The following KRT86 variants were observed in gnomAD, a reference collection of about 807,000 sequenced individuals.
The protein encoded by KRT86 is keratin 86.
KRT86 carries 30 observed loss-of-function variants against 41.2 expected under a neutral mutation model. The observed-to-expected ratio is 0.73, with a 90% CI of 0.54 to 0.99. The LOEUF is 0.99. Among genes scored for constraint, KRT86 ranks in the 50% least tolerant of loss-of-function variants. The pLI, the probability that KRT86 is intolerant of heterozygous loss-of-function variation, is 0.00. For synonymous variants in KRT86, 238 were observed against 238.1 expected (o/e 1.00, Z 0.00); for missense variants, 561 against 571.4 (o/e 0.98, Z 0.19).
intron 2 of KRT86, among the ~76,000 whole-genome samples, chr12:52,278,532 G>A (rs1313890957): frequency 6.7e-6 from 1 of 150,276 alleles, no homozygotes; most frequent in East Asian, 2.0e-4. Context: ...ATCAGAGAGC[G>A]CCAGGGAGCT....
chr12:52,303,318 G>A lies in KRT86; in HGVS notation c.578+10G>A. On this transcript the variant is annotated intron_variant, in intron 4 of 10. Transcript: ENST00000423955. ...AGGGCTACAAGAAGAAGTGAGTGCG[G>A]GCAAGAGGGATGCTGGGCACAGGAA... The A allele has an allele frequency of 2.8e-6, 1 of 356,558 alleles. No homozygotes were observed. The highest frequency in any genetic ancestry group is 6.5e-5 in the African/African-American group (1 of 15,476). The allele number at this position is 356,558 out of a possible 1,614,324, so 22.1% of individuals were successfully genotyped here. A position where few individuals can be genotyped will look rare whatever the true frequency, so the allele number is the denominator to read the frequency against.
At chr12:52,298,220 G>T (rs1403864376) in intron 2 of KRT86, among the ~76,000 whole-genome samples, 1 of 152,182 alleles carries the variant, frequency 6.6e-6, no homozygotes. Context: ...GAGATTGAAG[G>T]AGGGGCATGT....
intron 2 of KRT86, among the ~76,000 whole-genome samples, chr12:52,296,237 TAGTC>T (rs1204787972): frequency 3.3e-5 from 5 of 151,800 alleles, no homozygotes; most frequent in South Asian, 2.1e-4. Context: ...TCTTAGGAGA[TAGTC>T]AGGAAGAGGA....
At chr12:52,294,131 G>T (rs1431834551) in intron 2 of KRT86, among the ~76,000 whole-genome samples, 4 of 152,158 alleles carry the variant, frequency 2.6e-5, no homozygotes, top group African/African-American at 9.7e-5. Context: ...CACTTCTGAA[G>T]CTCTTTGTAC....
At chr12:52,292,676 A>C (rs973905806) in intron 2 of KRT86, among the ~76,000 whole-genome samples, 2 of 143,758 alleles carry the variant, frequency 1.4e-5, no homozygotes, top group African/African-American at 5.2e-5. Flanking sequence ...ATTTATTTTT[A>C]TTTTATTTAT....
At chr12:52,276,005 A>C in intron 2 of KRT86, 59 bp downstream of exon 2, 1 of 985,818 alleles carries the variant, frequency 1.0e-6, no homozygotes, top group Non-Finnish European at 1.2e-6. Flanking sequence ...ACCATTATTT[A>C]TGACAACTGC....
At chr12:52,296,160 T>C (rs945164609) in intron 2 of KRT86, among the ~76,000 whole-genome samples, 1 of 152,146 alleles carries the variant, frequency 6.6e-6, no homozygotes, top group Non-Finnish European at 1.5e-5. Context: ...TAGACTATTA[T>C]TCTCAGGGTG....
At chr12:52,307,389 A>G (rs1485292826) in intron 9 of KRT86, among the ~76,000 whole-genome samples, 4 of 152,230 alleles carry the variant, frequency 2.6e-5, no homozygotes, top group African/African-American at 9.6e-5. Context: ...GAGTGAACTC[A>G]GGAGCTTTGG....
chr12:52,283,409 A>AAT (rs1555185798), intron 2 of KRT86, among the ~76,000 whole-genome samples: 4,568 of 145,076 alleles, frequency 0.031, 168 homozygotes, highest in African/African-American at 0.057. Context: ...AAAAAAAAAA[A>AAT]AAAAAAAGAA....
In KRT86 at chr12:52,286,372, C is replaced by G. The variant is rs565511472; in HGVS notation, c.-5+10426C>G. On this transcript the variant is annotated intron_variant, in intron 2 of 10. Transcript: ENST00000423955. ...TGTTCAATTGGCCGCAGGGCGCACA[C>G]AGGCCGGTGCTCACCGCCACGTTCC... is the stretch of plus-strand genomic sequence containing the variant. The G allele has an allele frequency of 1.2e-5, 19 of 1,555,354 alleles. No individual in the cohort carries two copies. In the South Asian group the frequency reaches 1.5e-4, roughly 13 times the overall value.
At chr12:52,291,423 T>C in intron 2 of KRT86, 1 of 1,612,312 alleles carries the variant, frequency 6.2e-7, no homozygotes, top group Non-Finnish European at 8.5e-7. Context: ...CAGGCCGAGA[T>C]GCAGCTGAAG....
At chr12:52,299,063 C>A (rs1026112499) in intron 2 of KRT86, among the ~76,000 whole-genome samples, 1 of 152,182 alleles carries the variant, frequency 6.6e-6, no homozygotes, top group Non-Finnish European at 1.5e-5. Context: ...TGTTATCTAA[C>A]TGTATTTTTG....
chr12:52,299,192 C>T (rs1369256080), intron 2 of KRT86, among the ~76,000 whole-genome samples: 1 of 152,182 alleles, frequency 6.6e-6, no homozygotes, highest in African/African-American at 2.4e-5. Flanking sequence ...TGTGTAAGAA[C>T]ATCTGAAATT....
intron 2 of KRT86, among the ~76,000 whole-genome samples, chr12:52,288,730 C>A (rs1303483921): frequency 2.0e-5 from 3 of 152,060 alleles, no homozygotes; most frequent in Non-Finnish European, 4.4e-5. Context: ...AGGAAGCCTG[C>A]CCAGACTGAC....
chr12:52,308,521 C>T lies in KRT86; in HGVS notation c.1397C>T (p.Thr466Ile). 1 of 1,604,588 alleles carries T rather than the reference C, an allele frequency of 6.2e-7. No individual in the cohort carries two copies. The highest frequency in any genetic ancestry group is 8.5e-7 in the Non-Finnish European group (1 of 1,179,858). ...VPSNSNVVVG[T>I]TNACAPSARV... ...AGCAACAGCAACGTGGTGGTGGGCA[C>T]TACTAACGCCTGCGCCCCCTCCGCC... The change falls in exon 11 of 11, where the codon ACT (threonine) becomes ATT (isoleucine). Residue 466 changes from threonine (T) to isoleucine (I), a missense_variant. Around this residue, in one of 3 missense-constraint regions of KRT86, gnomAD observed 397 missense variants for 375.9 expected, o/e 1.06. Transcript: ENST00000423955.
At chr12:52,287,847 C>T in intron 2 of KRT86, 1 of 1,600,984 alleles carries the variant, frequency 6.2e-7, no homozygotes, top group Middle Eastern at 1.7e-4. Context: ...TCCTGCCCTG[C>T]CACCCCAACC....
At chr12:52,287,017 C>A (rs1592422552) in intron 2 of KRT86, 2 of 1,607,812 alleles carry the variant, frequency 1.2e-6, no homozygotes, top group East Asian at 4.5e-5. Flanking sequence ...CCCCAGAGCC[C>A]TGGCCATTGC....
chr12:52,308,517 G>A lies in KRT86; in HGVS notation c.1393G>A (p.Gly465Ser). The change falls in exon 11 of 11, where the codon GGC (glycine) becomes AGC (serine). Residue 465 changes from glycine (G) to serine (S), a missense_variant. Gly to Ser is a moderately conservative substitution (Grantham distance 56, BLOSUM62 0). Coordinates refer to ENST00000423955, the MANE Select transcript of KRT86 (RefSeq NM_001320198.2). ...CCCCAGCAACAGCAACGTGGTGGTG[G>A]GCACTACTAACGCCTGCGCCCCCTC... ...SVPSNSNVVVGTTNACAPSAR... is the reference protein window; with the variant it reads ...SVPSNSNVVVSTTNACAPSAR... The A allele has an allele frequency of 6.2e-7, 1 of 1,605,688 alleles. No individual in the cohort carries two copies.
chr12:52,282,949 G>A lies in KRT86; in HGVS notation c.-5+7003G>A, dbSNP rs1937810182. On this transcript the variant is annotated intron_variant, in intron 2 of 10. Coordinates refer to ENST00000423955, the MANE Select transcript of KRT86 (RefSeq NM_001320198.2). ...GGTGCCTGGAATGTGCATGTACCTGGATGCAATCATATTGCTCCACTCGCA... is the reference window on the plus strand; with the variant it reads ...GGTGCCTGGAATGTGCATGTACCTGAATGCAATCATATTGCTCCACTCGCA... 2.6e-5 allele frequency among the ~76,000 whole-genome samples: 4 copies of A among 152,202 alleles called. No homozygotes were observed. The South Asian group carries it at 8.3e-4, about 31-fold the overall frequency.
Sources: gnomAD v4.1 joint callset for allele counts (sites outside exome capture counted in the v4.1 genomes callset) on GRCh38, gnomAD v4.1.1 for gene constraint, gnomAD v4.1.1 regional missense constraint, MANE v1.5 for transcripts, NCBI Gene and HGNC (gene_info 2026-07-23, HGNC 2026-07-21) for gene names.